MTMR12: variants seen among roughly 807,000 people sequenced by gnomAD.
MTMR12 encodes myotubularin related protein 12.
MTMR12 carries 33 observed loss-of-function variants against 96.7 expected under a neutral mutation model. The ratio of observed to expected loss-of-function variants is 0.34; its 90% CI spans 0.26 to 0.46. MTMR12 has a LOEUF of 0.46. Among genes scored for constraint, MTMR12 ranks in the 20% least tolerant of loss-of-function variants. The pLI, the probability that MTMR12 is intolerant of heterozygous loss-of-function variation, is 1.00. For missense variants in MTMR12, 721 were observed against 896.1 expected (o/e 0.80, Z 2.49); for synonymous variants, 298 against 327.2 (o/e 0.91, Z 0.96).
chr5:32,301,280 A>G (rs1231703002), intron 1 of MTMR12, among the ~76,000 whole-genome samples: 1 of 152,150 alleles, frequency 6.6e-6, no homozygotes, highest in Non-Finnish European at 1.5e-5. Flanking sequence ...CTCAGAGATA[A>G]AACAGGGGTA....
chr5:32,242,167 T>C, intron 11 of MTMR12, 40 bp from the exon 12 acceptor site: 2 of 1,489,226 alleles, frequency 1.3e-6, no homozygotes, highest in Non-Finnish European at 1.9e-6. Flanking sequence ...CATTAGTTCA[T>C]GAGCTTGGTA....
At chr5:32,277,485 G>C (rs149570667) in intron 1 of MTMR12, among the ~76,000 whole-genome samples, 5,499 of 152,210 alleles carry the variant, frequency 0.036, 169 homozygotes, top group Non-Finnish European at 0.05. Context: ...GATAACTTGA[G>C]GTCAGGAGTT....
At chr5:32,302,205 G>A (rs1751179936) in intron 1 of MTMR12, among the ~76,000 whole-genome samples, 1 of 152,222 alleles carries the variant, frequency 6.6e-6, no homozygotes, top group African/African-American at 2.4e-5. Flanking sequence ...AGGGAAAAGT[G>A]ATGGCTATTA....
chr5:32,248,810 A>G lies in MTMR12; in HGVS notation c.858T>C (p.Asp286=), dbSNP rs771061211. ...LKMSALPKEQ[D]DGILQIQKSF... ...TCTTTTGGATTTGTAAAATGCCGTC[A>G]TCCTGTTCTTTGGGCAGTGCTGACA... The change falls in exon 9 of 16, where the codon GAT becomes GAC. Residue 286 remains aspartate, a synonymous_variant. Transcript: ENST00000382142. The G allele has an allele frequency of 2.5e-6, 4 of 1,614,182 alleles. No individual in the cohort carries two copies. The highest frequency in any genetic ancestry group is 3.3e-5 in the Admixed American group (2 of 60,030).
chr5:32,233,548 CCA>C lies in MTMR12; in HGVS notation c.1674+223_1674+224del, dbSNP rs1249884842. Among the ~76,000 whole-genome samples the C allele has an allele frequency of 1.2e-4, 18 of 151,828 alleles. No individual in the cohort carries two copies. Among genetic ancestry groups the C allele is most frequent in the African/African-American group, 4.4e-4 (18 of 41,272 alleles). On this transcript the variant is annotated intron_variant, in intron 15 of 15. Coordinates refer to ENST00000382142, the MANE Select transcript of MTMR12 (RefSeq NM_001040446.3). This position sits in a 1 kb window ranked among gnomAD's most constrained non-coding sequence, Gnocchi z 5.0. ...TGGAGTATGACCAGGGTGGCAGCAT[CCA>C]CAGTGACATCTGGCAAATGGCCCTG...
chr5:32,293,908 G>A (rs1750829940), intron 1 of MTMR12, among the ~76,000 whole-genome samples: 1 of 152,154 alleles, frequency 6.6e-6, no homozygotes, highest in Non-Finnish European at 1.5e-5. Flanking sequence ...TCTGAGCTCT[G>A]GTTCAGGACC....
chr5:32,235,665 G>A (rs1383920827), intron 13 of MTMR12, among the ~76,000 whole-genome samples: 1 of 152,202 alleles, frequency 6.6e-6, no homozygotes, highest in Non-Finnish European at 1.5e-5. Flanking sequence ...ACCCCGCAGT[G>A]AGGGCCCAGA....
intron 9 of MTMR12, 83 bp downstream of exon 9, chr5:32,248,688 GA>G (rs1419021170): frequency 9.6e-7 from 1 of 1,043,326 alleles, no homozygotes; most frequent in Non-Finnish European, 1.5e-6. Context: ...TAGGTAAACA[GA>G]AATAGACATA....
intron 1 of MTMR12, among the ~76,000 whole-genome samples, chr5:32,294,885 A>G (rs2112139884): frequency 6.6e-6 from 1 of 152,288 alleles, no homozygotes; most frequent in African/African-American, 2.4e-5. Flanking sequence ...TTCCTACCTA[A>G]GTGTATTAGT....
chr5:32,244,455 G>A (rs932582403), intron 10 of MTMR12, among the ~76,000 whole-genome samples: 2 of 152,164 alleles, frequency 1.3e-5, no homozygotes, highest in African/African-American at 4.8e-5. Context: ...GCTGGGGGTG[G>A]TGGCCCATGC....
chr5:32,296,348 G>A (rs563810568), intron 1 of MTMR12: 78 of 173,186 alleles, frequency 4.5e-4, no homozygotes, highest in Middle Eastern at 1.7e-3. Context: ...GGCATGTTGT[G>A]TGTACCTGTA....
In MTMR12 at chr5:32,228,545, C is replaced by CATATATATG. The variant is rs1747829587; in HGVS notation, c.*1224_*1232dup. 8 of 130,746 alleles carry CATATATATG rather than the reference C, an allele frequency of 6.1e-5. No individual in the cohort carries two copies. Among genetic ancestry groups the CATATATATG allele is most frequent in the Admixed American group, 1.6e-4 (2 of 12,404 alleles). The allele number at this position is 130,746 out of a possible 1,614,324, so 8.1% of individuals were successfully genotyped here. Reference sequence around the variant, plus strand: ...TATATCATATATATGATATATATATCATATATATGTGATATATATATATCA... The same window carrying CATATATATG: ...TATATCATATATATGATATATATATCATATATATGATATATATGTGATATATATATATCA... On this transcript the variant is annotated 3_prime_UTR_variant, in exon 16 of 16. Coordinates refer to ENST00000382142, the MANE Select transcript of MTMR12 (RefSeq NM_001040446.3).
At chr5:32,235,209 CA>C in intron 13 of MTMR12, 80 bp from the exon 14 acceptor site, 1 of 1,371,452 alleles carries the variant, frequency 7.3e-7, no homozygotes, top group Non-Finnish European at 9.9e-7. Context: ...GCCACCTCAA[CA>C]GCTGTGGAAT....
Position 32,310,872 on chromosome 5 carries a change from T to G in MTMR12, c.81+1886A>C, listed in dbSNP as rs1229223764. ...CATTGTATGCCTGTATCCAAAGATT[T>G]CTTTCTTTTTTTTTTTTTTGAGATG... On this transcript the variant is annotated intron_variant, in intron 1 of 15. Coordinates refer to ENST00000382142, the MANE Select transcript of MTMR12 (RefSeq NM_001040446.3). 3.6e-5 allele frequency among the ~76,000 whole-genome samples: 5 copies of G among 140,312 alleles called. 1 individual carries two copies. In the Admixed American group the frequency reaches 3.6e-4, roughly 10 times the overall value. The allele number at this position is 140,312 out of a possible 152,430, so 92.1% of individuals were successfully genotyped here.
chr5:32,307,932 A>G (rs1273076362), intron 1 of MTMR12, among the ~76,000 whole-genome samples: 1 of 152,226 alleles, frequency 6.6e-6, no homozygotes, highest in African/African-American at 2.4e-5. Context: ...TCATTACATC[A>G]TAAGGTATAA....
chr5:32,272,150 G>A (rs1350864811), intron 3 of MTMR12, among the ~76,000 whole-genome samples: 1 of 152,000 alleles, frequency 6.6e-6, no homozygotes, highest in Non-Finnish European at 1.5e-5. Context: ...AATTAGCCAG[G>A]CTTGGTGGTG....
intron 2 of MTMR12, among the ~76,000 whole-genome samples, chr5:32,275,938 A>G (rs570066437): frequency 2.6e-5 from 4 of 152,358 alleles, no homozygotes; most frequent in African/African-American, 9.6e-5. Context: ...AATAAAATAA[A>G]AAGCAACAGA....
chr5:32,235,089 A>T lies in MTMR12; in HGVS notation c.1385T>A (p.Leu462Gln). The change falls in exon 14 of 16, where the codon CTG becomes CAG. Residue 462 changes from leucine to glutamine, a missense_variant. Coordinates refer to ENST00000382142, the MANE Select transcript of MTMR12 (RefSeq NM_001040446.3). Reference protein sequence around the residue: ...FLLFLDCVWQLVHQHPPAFEF... With the variant: ...FLLFLDCVWQQVHQHPPAFEF... ...AAATGCCGGGGGATGCTGGTGCACC[A>T]GCTGCCAGACACAATCTAGGAAAAG... The T allele has an allele frequency of 1.2e-6, 2 of 1,614,108 alleles. No homozygotes were observed. The highest frequency in any genetic ancestry group is 1.7e-6 in the Non-Finnish European group (2 of 1,179,996).
chr5:32,305,000 C>A (rs1751300634), intron 1 of MTMR12, among the ~76,000 whole-genome samples: 1 of 152,184 alleles, frequency 6.6e-6, no homozygotes, highest in Non-Finnish European at 1.5e-5. Flanking sequence ...GACCTCCACG[C>A]TCAAAGAGAA....
Sources: gnomAD v4.1 joint callset for allele counts (sites outside exome capture counted in the v4.1 genomes callset) on GRCh38, gnomAD v4.1.1 for gene constraint, Gnocchi (gnomAD v3.1) non-coding constraint, MANE v1.5 for transcripts, NCBI Gene and HGNC (gene_info 2026-07-23, HGNC 2026-07-21) for gene names.